LRRC49: variants seen among roughly 807,000 people sequenced by gnomAD.
The protein encoded by LRRC49 is leucine-rich repeat-containing protein 49.
Under a neutral mutation model 83.3 loss-of-function variants are expected in LRRC49, and 50 were observed. The ratio of observed to expected loss-of-function variants is 0.60; its 90% CI spans 0.48 to 0.76. LRRC49 has a LOEUF of 0.76. Ranked by LOEUF, LRRC49 falls within the 30% of genes least tolerant of loss-of-function variation. The probability of loss-of-function intolerance (pLI) is 0.00; values close to 1 mark genes in which losing one functional copy is unlikely to be tolerated. For missense variants in LRRC49, 704 were observed against 809.1 expected, an observed-to-expected ratio of 0.87 and a Z score of 1.58; for synonymous variants, 286 against 283.3, an observed-to-expected ratio of 1.01 and a Z score of -0.10.
At chr15:70,990,640 A>C (rs2037839947) in intron 11 of LRRC49, among the ~76,000 whole-genome samples, 1 of 152,190 alleles carries the variant, frequency 6.6e-6, no homozygotes, top group Non-Finnish European at 1.5e-5. Flanking sequence ...CGCTGCACCC[A>C]CTGTCCTGCG....
chr15:70,883,856 A>G (rs1193861895), intron 2 of LRRC49, among the ~76,000 whole-genome samples: 1 of 151,742 alleles, frequency 6.6e-6, no homozygotes, highest in African/African-American at 2.4e-5. Context: ...ATGTTTCACC[A>G]TGGTAACCAG....
At chr15:70,899,573 A>G (rs1301559446) in intron 3 of LRRC49, among the ~76,000 whole-genome samples, 1 of 152,156 alleles carries the variant, frequency 6.6e-6, no homozygotes, top group Non-Finnish European at 1.5e-5. Context: ...AATATTCAGA[A>G]AAGTGGGATG....
chr15:70,922,472 C>G (rs2035043893), intron 7 of LRRC49, among the ~76,000 whole-genome samples: 1 of 151,838 alleles, frequency 6.6e-6, no homozygotes, highest in South Asian at 2.1e-4. Flanking sequence ...ATCTAAAAAT[C>G]AAATCAATTG....
At chr15:70,891,343 G>C (rs1009737834), upstream of LRRC49, among the ~76,000 whole-genome samples, 2 of 152,068 alleles carry the variant, frequency 1.3e-5, no homozygotes, top group Non-Finnish European at 2.9e-5. Flanking sequence ...GCTTGGGGTG[G>C]GAAGGGATTT....
intron 1 of LRRC49, among the ~76,000 whole-genome samples, chr15:70,868,781 A>G (rs974493463): frequency 6.6e-6 from 1 of 152,262 alleles, no homozygotes; most frequent in Non-Finnish European, 1.5e-5. Context: ...CTTCAGTGTC[A>G]TGCTTTGTTT....
At chr15:70,974,508 A>G (rs1000835936) in intron 9 of LRRC49, among the ~76,000 whole-genome samples, 4 of 152,310 alleles carry the variant, frequency 2.6e-5, no homozygotes, top group African/African-American at 9.6e-5. Flanking sequence ...GTCTAGGAGA[A>G]AATATTTGTT....
intron 11 of LRRC49, among the ~76,000 whole-genome samples, chr15:70,991,760 TAACTA>T (rs1350885119): frequency 6.6e-6 from 1 of 152,234 alleles, no homozygotes; most frequent in Non-Finnish European, 1.5e-5. Context: ...CTTATTACCT[TAACTA>T]AACTCTGAAA....
chr15:70,917,136 C>A (rs2034813444), intron 6 of LRRC49, among the ~76,000 whole-genome samples: 1 of 152,216 alleles, frequency 6.6e-6, no homozygotes, highest in South Asian at 2.1e-4. Context: ...TGCCAACAAG[C>A]ATAGAAGGGA....
intron 11 of LRRC49, among the ~76,000 whole-genome samples, chr15:70,985,811 G>A (rs2037591246): frequency 6.8e-6 from 1 of 147,864 alleles, no homozygotes; most frequent in African/African-American, 2.5e-5. Context: ...TTTGTATAAG[G>A]TGTAAGGAAG....
chr15:70,979,200 C>G (rs1191837854), intron 9 of LRRC49, among the ~76,000 whole-genome samples: 5 of 152,006 alleles, frequency 3.3e-5, no homozygotes. Flanking sequence ...AAAAATTGCT[C>G]ATAGTGAATA....
intron 11 of LRRC49, among the ~76,000 whole-genome samples, chr15:70,995,418 G>A (rs138439486): frequency 0.011 from 1,624 of 152,306 alleles, 12 homozygotes; most frequent in Non-Finnish European, 0.019. Context: ...GGAAGCCATT[G>A]TTGTGGTTAT....
intron 2 of LRRC49, among the ~76,000 whole-genome samples, chr15:70,878,341 C>T (rs913394098): frequency 6.6e-6 from 1 of 152,074 alleles, no homozygotes; most frequent in Admixed American, 6.6e-5. Context: ...GGAGGTTCTA[C>T]GTACATAATC....
intron 7 of LRRC49, among the ~76,000 whole-genome samples, chr15:70,919,474 T>C (rs1484549324): frequency 6.6e-6 from 1 of 152,182 alleles, no homozygotes; most frequent in Non-Finnish European, 1.5e-5. Context: ...CTCTTCTGTT[T>C]TGTCATGGGT....
At chr15:70,938,821 A>G (rs574565363) in intron 8 of LRRC49, among the ~76,000 whole-genome samples, 10 of 152,168 alleles carry the variant, frequency 6.6e-5, no homozygotes, top group Non-Finnish European at 1.5e-4. Context: ...TATTTTAAAA[A>G]TGCAGCTGAC....
At chr15:71,022,116 TA>T (rs2039013181) in intron 14 of LRRC49, among the ~76,000 whole-genome samples, 1 of 152,192 alleles carries the variant, frequency 6.6e-6, no homozygotes. Context: ...CTCATGCCTA[TA>T]ATCCCAGCAC....
intron 8 of LRRC49, among the ~76,000 whole-genome samples, chr15:70,942,842 G>A (rs1002749991): frequency 1.3e-5 from 2 of 152,166 alleles, no homozygotes; most frequent in Admixed American, 6.5e-5. Context: ...TGCTTCAGCT[G>A]TTTCCTAACT....
At chr15:71,031,585 G>T (rs770945077) in intron 14 of LRRC49, among the ~76,000 whole-genome samples, 1 of 152,188 alleles carries the variant, frequency 6.6e-6, no homozygotes, top group Non-Finnish European at 1.5e-5. Flanking sequence ...AGGCAGGAAC[G>T]ATTAAATCCA....
chr15:71,016,190 A>T (rs923776225), intron 14 of LRRC49, among the ~76,000 whole-genome samples: 2 of 152,188 alleles, frequency 1.3e-5, no homozygotes, highest in Non-Finnish European at 2.9e-5. Context: ...CTCTTGAATT[A>T]TCTTCTTGCT....
At chr15:70,875,918 G>A (rs1337248203) in intron 2 of LRRC49, among the ~76,000 whole-genome samples, 4 of 152,314 alleles carry the variant, frequency 2.6e-5, no homozygotes, top group African/African-American at 9.6e-5. Flanking sequence ...AAGGGAAGAT[G>A]CAAGGAGCAA....
Sources: gnomAD v4.1 joint callset for allele counts (sites outside exome capture counted in the v4.1 genomes callset) on GRCh38, gnomAD v4.1.1 for gene constraint, MANE v1.5 for transcripts, NCBI Gene and HGNC (gene_info 2026-07-23, HGNC 2026-07-21) for gene names.